Variants in ASCC3 observed in about 807,000 individuals in gnomAD.
The protein encoded by ASCC3 is activating signal cointegrator 1 complex subunit 3.
ASCC3 carries 158 observed loss-of-function variants against 256.3 expected under a neutral mutation model. The observed-to-expected ratio is 0.62, with a 90% CI of 0.54 to 0.70. The LOEUF is 0.70. ASCC3 is among the 30% of genes least tolerant of loss of function. ASCC3 has a pLI of 0.00. For synonymous variants in ASCC3, 948 were observed against 883.4 expected (o/e 1.07, Z -1.30); for missense variants, 2,259 against 2,626.0 (o/e 0.86, Z 3.05).
chr6:100,657,777 A>G (rs993137126), intron 16 of ASCC3, among the ~76,000 whole-genome samples: 1 of 151,534 alleles, frequency 6.6e-6, no homozygotes, highest in African/African-American at 2.4e-5. Context: ...CAAGTGTTGT[A>G]AATGTTCACT....
intron 37 of ASCC3, among the ~76,000 whole-genome samples, 156 bp from the exon 38 acceptor site, chr6:100,518,298 G>C (rs148599093): frequency 3.4e-4 from 52 of 152,234 alleles, no homozygotes; most frequent in African/African-American, 1.2e-3. Flanking sequence ...ATAAATCACA[G>C]TTGGATTGCA....
At chr6:100,661,359 A>ACAC (rs1491295311) in intron 16 of ASCC3, among the ~76,000 whole-genome samples, 14 of 149,894 alleles carry the variant, frequency 9.3e-5, no homozygotes, top group African/African-American at 2.5e-4. Context: ...ACACACACAC[A>ACAC]AAACAAATGA....
intron 4 of ASCC3, among the ~76,000 whole-genome samples, chr6:100,826,548 T>G (rs1771320360): frequency 6.6e-6 from 1 of 152,192 alleles, no homozygotes; most frequent in Non-Finnish European, 1.5e-5. Context: ...ATGTCATCCA[T>G]CATATCTGTA....
chr6:100,698,151 G>A (rs1196782570), intron 13 of ASCC3, among the ~76,000 whole-genome samples: 3 of 152,026 alleles, frequency 2.0e-5, no homozygotes, highest in Non-Finnish European at 4.4e-5. Flanking sequence ...TGATGTGGGG[G>A]GAAACTAACT....
intron 8 of ASCC3, among the ~76,000 whole-genome samples, chr6:100,780,755 A>C (rs369644254): frequency 2.6e-5 from 4 of 152,234 alleles, no homozygotes; most frequent in African/African-American, 9.6e-5. Flanking sequence ...TAAACAATGG[A>C]ATTAATGTTC....
intron 12 of ASCC3, 133 bp downstream of exon 12, chr6:100,717,942 T>G: frequency 1.4e-6 from 1 of 731,932 alleles, no homozygotes; most frequent in Non-Finnish European, 2.3e-6. Flanking sequence ...TGTGATTCAA[T>G]GTTCTGCAAA....
intron 30 of ASCC3, among the ~76,000 whole-genome samples, chr6:100,624,957 G>A (rs1774152642): frequency 6.6e-6 from 1 of 151,698 alleles, no homozygotes; most frequent in Non-Finnish European, 1.5e-5. Context: ...ATGATTGAAT[G>A]TTACAATATA....
rs138733635 is a variant in ASCC3, at chr6:100,837,834, T to C, written c.801+10314A>G. On this transcript the variant is annotated intron_variant, in intron 4 of 41. Transcript: ENST00000369162. ...CCTATCTAGTGCACAGTAGGATGAC[T>C]AGGGCTAACAATATTGTGTTGGGTA... Among the ~76,000 whole-genome samples, 117 of 152,058 alleles carry C rather than the reference T, an allele frequency of 7.7e-4. 2 individuals are homozygous for C. Among genetic ancestry groups the C allele is most frequent in the Admixed American group, 1.4e-3 (21 of 15,268 alleles).
intron 13 of ASCC3, among the ~76,000 whole-genome samples, chr6:100,683,453 G>A (rs905666368): frequency 3.3e-5 from 5 of 151,928 alleles, no homozygotes; most frequent in East Asian, 1.9e-4. Flanking sequence ...CCATCATGTC[G>A]TGTTAAGTAA....
intron 8 of ASCC3, among the ~76,000 whole-genome samples, chr6:100,771,866 GTTTTTTTTTT>G (rs57465763): frequency 1.1e-5 from 1 of 91,820 alleles, no homozygotes; most frequent in Non-Finnish European, 2.0e-5. Context: ...CAATCTGCAA[GTTTTTTTTTT>G]TTTTTTTTTT....
In ASCC3 at chr6:100,620,878, G is replaced by A. The variant is rs570056060; in HGVS notation, c.4785+4314C>T. On this transcript the variant is annotated intron_variant, in intron 30 of 41. Coordinates refer to ENST00000369162, the MANE Select transcript of ASCC3 (RefSeq NM_006828.4). The stretch of plus-strand genomic sequence containing the variant: ...AAAAAGTTTTCCTATTAATTATTTA[G>A]GGCTAATTATTTAAGGGTTCAACAA... Among the ~76,000 whole-genome samples, 314 of 152,178 alleles carry A rather than the reference G, an allele frequency of 2.1e-3. 1 individual carries two copies. The highest frequency in any genetic ancestry group is 7.1e-3 in the African/African-American group (296 of 41,516).
At chr6:100,802,811 G>C (rs1769983923) in intron 5 of ASCC3, among the ~76,000 whole-genome samples, 1 of 151,742 alleles carries the variant, frequency 6.6e-6, no homozygotes, top group African/African-American at 2.4e-5. Flanking sequence ...ACTACCCTGG[G>C]CAACATGGGG....
intron 4 of ASCC3, among the ~76,000 whole-genome samples, chr6:100,828,747 T>TA (rs1421370091): frequency 2.6e-5 from 4 of 152,096 alleles, no homozygotes; most frequent in Non-Finnish European, 5.9e-5. Flanking sequence ...TGGTGAGTGT[T>TA]ACAGCTCATA....
chr6:100,556,875 A>G (rs2398133), intron 36 of ASCC3, among the ~76,000 whole-genome samples: 11,215 of 152,134 alleles, frequency 0.074, 616 homozygotes, highest in African/African-American at 0.15. Flanking sequence ...AATAATAAAG[A>G]AAGGACTGAA....
chr6:100,584,196 C>T (rs990260664), intron 36 of ASCC3, among the ~76,000 whole-genome samples: 3 of 151,096 alleles, frequency 2.0e-5, no homozygotes, highest in African/African-American at 7.3e-5. Flanking sequence ...GTGTTAAAGT[C>T]TCCCATTATT....
At chr6:100,651,526 G>A in intron 19 of ASCC3, 34 bp downstream of exon 19, 5 of 1,308,762 alleles carry the variant, frequency 3.8e-6, no homozygotes, top group Non-Finnish European at 5.4e-6. Context: ...CATACATGTT[G>A]TATGCATTTG....
In ASCC3 at chr6:100,512,810, T is replaced by A. The variant is rs1360618337; in HGVS notation, c.6184A>T (p.Thr2062Ser). Residue 2062 changes from threonine to serine, a missense_variant, in exon 40 of 42, where the codon ACT becomes TCT. Thr to Ser is a moderately conservative substitution (Grantham distance 58). This residue lies in a region of ASCC3 where 1,839 missense variants were observed against 2,206.7 expected (regional missense o/e 0.83). Coordinates refer to ENST00000369162, the MANE Select transcript of ASCC3 (RefSeq NM_006828.4). ...TTGTTGTCATCTCGTTTGTCTGCAG[T>A]CAGAGTTGAGACAGAGAGTTCATTA... ...GHNELSVSTL[T>S]ADKRDDNKWI... 1 of 1,614,110 alleles carries A rather than the reference T, an allele frequency of 6.2e-7. No individual in the cohort carries two copies.
intron 3 of ASCC3, among the ~76,000 whole-genome samples, chr6:100,859,426 C>T (rs540045081): frequency 1.5e-4 from 23 of 152,140 alleles, no homozygotes; most frequent in African/African-American, 5.5e-4. Context: ...TTGCAATCTG[C>T]AATTTTCAAA....
rs1772479604 is a variant in ASCC3, at chr6:100,848,239, T to C, written c.710A>G (p.Glu237Gly). The change falls in exon 4 of 42, where the codon GAA (glutamate) becomes GGA (glycine). Residue 237 changes from glutamate to glycine, a missense_variant. This residue lies in a region of ASCC3 where 420 missense variants were observed against 419.3 expected (regional missense o/e 1.00). Transcript: ENST00000369162. ...TTCTACTCTTGGCACTTCAGTCATT[T>C]CCTTCAAAGTTGAATTTAGGTACTT... The part of the protein sequence containing the change: ...VEKYLNSTLK[E>G]MTEVPRVEDL... 1 of 1,614,052 alleles carries C rather than the reference T, an allele frequency of 6.2e-7. No individual in the cohort carries two copies. The highest frequency in any genetic ancestry group is 1.7e-5 in the Admixed American group (1 of 60,010).
Sources: allele counts gnomAD v4.1 joint callset (sites outside exome capture counted in the v4.1 genomes callset), GRCh38; gene constraint gnomAD v4.1.1; regional missense constraint gnomAD v4.1.1; transcripts MANE v1.5; gene names NCBI Gene and HGNC (gene_info 2026-07-23, HGNC 2026-07-21).